The following DCHS2 variants were observed in gnomAD, a reference collection of about 807,000 sequenced individuals.
DCHS2 encodes dachsous cadherin-related 2.
DCHS2 carries 142 observed loss-of-function variants against 182.4 expected under a neutral mutation model. The ratio of observed to expected loss-of-function variants is 0.78; its 90% confidence interval spans 0.68 to 0.89. The LOEUF is 0.89. DCHS2 is among the 40% of genes least tolerant of loss of function. The probability of loss-of-function intolerance (pLI) is 0.00; values close to 1 mark genes in which losing one functional copy is unlikely to be tolerated. For synonymous variants in DCHS2, 1,740 were observed against 1,663.3 expected (o/e 1.05, Z -1.12); for missense variants, 4,319 against 4,198.6 (o/e 1.03, Z -0.79).
intron 16 of DCHS2, among the ~76,000 whole-genome samples, chr4:154,249,570 A>G (rs1489737033): frequency 2.0e-5 from 3 of 152,192 alleles, no homozygotes; most frequent in African/African-American, 7.2e-5. Flanking sequence ...ATTGCTGGGT[A>G]TATTCCCAAA....
At chr4:154,292,205 C>A (rs1306347556) in intron 13 of DCHS2, among the ~76,000 whole-genome samples, 4 of 152,098 alleles carry the variant, frequency 2.6e-5, no homozygotes, top group Non-Finnish European at 5.9e-5. Context: ...ATACCCAAAC[C>A]TGTTTCTGCT....
intron 1 of DCHS2, among the ~76,000 whole-genome samples, chr4:154,477,819 T>C (rs1735749161): frequency 6.6e-6 from 1 of 152,182 alleles, no homozygotes; most frequent in Non-Finnish European, 1.5e-5. Context: ...TCCTAGGTGG[T>C]TCTTATCATG....
At chr4:154,459,344 C>T (rs1465714490) in intron 1 of DCHS2, among the ~76,000 whole-genome samples, 1 of 151,726 alleles carries the variant, frequency 6.6e-6, no homozygotes, top group Non-Finnish European at 1.5e-5. Flanking sequence ...TCAAAGCTCT[C>T]ATTATAGAAT....
At chr4:154,336,173 C>T (rs1277112836) in intron 3 of DCHS2, among the ~76,000 whole-genome samples, 1 of 152,114 alleles carries the variant, frequency 6.6e-6, no homozygotes, top group African/African-American at 2.4e-5. Flanking sequence ...AATGTAAAGA[C>T]AATGGGGACA....
rs1731240022 is a variant in DCHS2 at position 154,232,483 on chromosome 4, A to T, written c.*2053T>A. ...CATCCATAATGAGTAAATAAATCACAGTAATAAATAACTAACTTAGGGAAT... is the reference window on the plus strand; with the variant it reads ...CATCCATAATGAGTAAATAAATCACTGTAATAAATAACTAACTTAGGGAAT... On this transcript the variant is annotated 3_prime_UTR_variant, in exon 20 of 20. Transcript: ENST00000357232. 6.6e-6 allele frequency: 1 copy of T among 152,202 alleles called. No homozygotes were observed. The highest frequency in any genetic ancestry group is 2.4e-5 in the African/African-American group (1 of 41,474). 9.4% of individuals were successfully genotyped at this position (152,202 alleles called of 1,614,324 possible).
At chr4:154,409,929 C>G (rs1359565531) in intron 1 of DCHS2, among the ~76,000 whole-genome samples, 1 of 152,210 alleles carries the variant, frequency 6.6e-6, no homozygotes, top group Non-Finnish European at 1.5e-5. Flanking sequence ...AGCTGAAGAA[C>G]CTGCACAGAT....
At chr4:154,354,055 T>C (rs1371726235) in intron 3 of DCHS2, among the ~76,000 whole-genome samples, 1 of 151,888 alleles carries the variant, frequency 6.6e-6, no homozygotes, top group Admixed American at 6.6e-5. Context: ...GCCTCCAGAG[T>C]AGCTGGTACT....
intron 4 of DCHS2, chr4:154,334,252 G>A (rs999525647): frequency 6.5e-6 from 1 of 153,170 alleles, no homozygotes; most frequent in African/African-American, 2.4e-5. Context: ...AGGGGACTAG[G>A]AGGAGGACAA....
At chr4:154,464,918 A>G (rs1044664821) in intron 1 of DCHS2, among the ~76,000 whole-genome samples, 1 of 152,162 alleles carries the variant, frequency 6.6e-6, no homozygotes, top group Non-Finnish European at 1.5e-5. Context: ...GCAATATTTG[A>G]GACTGGAAAA....
chr4:154,255,608 G>T lies in DCHS2; in HGVS notation c.6852C>A (p.Gly2284=). The T allele has an allele frequency of 6.2e-7, 1 of 1,613,952 alleles. No homozygotes were observed. ...CAATCTGGAATGCTTCTTCTTGGTT[G>T]CCAGACAGAATAGAATACTCAATCA... The part of the protein sequence containing the change: ...NGLIEYSILS[G]NQEEAFQIDA... Residue 2284 remains glycine (G), a synonymous_variant, in exon 16 of 20, where the codon GGC becomes GGA. Coordinates refer to ENST00000357232, the MANE Select transcript of DCHS2 (RefSeq NM_001358235.2).
chr4:154,470,319 A>G (rs921905022), intron 1 of DCHS2, among the ~76,000 whole-genome samples: 18 of 151,994 alleles, frequency 1.2e-4, no homozygotes, highest in African/African-American at 4.3e-4. Context: ...CCCCATCTGT[A>G]CAAAAATAAA....
intron 3 of DCHS2, among the ~76,000 whole-genome samples, chr4:154,352,852 G>T (rs772762544): frequency 6.6e-6 from 1 of 152,164 alleles, no homozygotes; most frequent in African/African-American, 2.4e-5. Flanking sequence ...ACCTTGTGGA[G>T]CTCATGGAGG....
At chr4:154,423,823 A>G (rs1204679157) in intron 1 of DCHS2, among the ~76,000 whole-genome samples, 1 of 152,170 alleles carries the variant, frequency 6.6e-6, no homozygotes, top group African/African-American at 2.4e-5. Flanking sequence ...CCACTTGGGG[A>G]TCTTGGTAAA....
At position 154,489,357 on chromosome 4, in the gene DCHS2, C is replaced by T; in HGVS notation, c.1999G>A (p.Val667Met). 6.5e-7 allele frequency: 1 copy of T among 1,548,660 alleles called. No individual in the cohort carries two copies. Among genetic ancestry groups the T allele is most frequent in the Non-Finnish European group, 8.7e-7 (1 of 1,144,842 alleles). ...NDNEPIFWRQ[V>M]YNATIAEHAP... ...TGCTCTGCAATGGTGGCATTGTACA[C>T]CTGCCTCCAGAAGATGGGCTCATTG... is the stretch of plus-strand genomic sequence containing the variant. The change falls in exon 1 of 20, where the codon GTG (valine) becomes ATG (methionine). Residue 667 changes from valine (V) to methionine (M), a missense_variant. Coordinates refer to ENST00000357232, the MANE Select transcript of DCHS2 (RefSeq NM_001358235.2).
At chr4:154,244,426 T>G (rs1731979879) in intron 16 of DCHS2, among the ~76,000 whole-genome samples, 1 of 152,230 alleles carries the variant, frequency 6.6e-6, no homozygotes, top group Non-Finnish European at 1.5e-5. Flanking sequence ...CTGAACACGA[T>G]GAAGGCTAGG....
At position 154,305,153 on chromosome 4, in the gene DCHS2, T is replaced by C. The variant is rs1735393292; in HGVS notation, c.5339A>G (p.Glu1780Gly). The change falls in exon 11 of 20, where the codon GAG becomes GGG. Residue 1780 changes from glutamate to glycine, a missense_variant. Coordinates refer to ENST00000357232, the MANE Select transcript of DCHS2 (RefSeq NM_001358235.2). ...ELFEINSDTG[E>G]VVTTTILDRE... The stretch of plus-strand genomic sequence containing the variant: ...GTCAAGTATGGTGGTTGTCACTACC[T>C]CTCCAGTGTCAGAATTTATCTCGAA... 6.2e-7 allele frequency: 1 copy of C among 1,612,782 alleles called. No homozygotes were observed. The highest frequency in any genetic ancestry group is 8.5e-7 in the Non-Finnish European group (1 of 1,179,482).
At chr4:154,364,597 G>A (rs774284720) in intron 3 of DCHS2, among the ~76,000 whole-genome samples, 5 of 152,202 alleles carry the variant, frequency 3.3e-5, no homozygotes, top group Non-Finnish European at 5.9e-5. Context: ...GCCTTACAAA[G>A]ACTGCCAGTA....
intron 1 of DCHS2, among the ~76,000 whole-genome samples, chr4:154,412,149 AAG>A (rs769289154): frequency 3.9e-5 from 6 of 152,162 alleles, no homozygotes; most frequent in Non-Finnish European, 8.8e-5. Flanking sequence ...ACAGTTCCCA[AAG>A]AGAGAGAGAA....
intron 1 of DCHS2, among the ~76,000 whole-genome samples, chr4:154,393,822 T>G (rs1731814440): frequency 6.6e-6 from 1 of 152,198 alleles, no homozygotes; most frequent in Admixed American, 6.5e-5. Context: ...TGATGGTGTC[T>G]GTCTCTACAA....
Sources: allele counts gnomAD v4.1 joint callset (sites outside exome capture counted in the v4.1 genomes callset), GRCh38; gene constraint gnomAD v4.1.1; transcripts MANE v1.5; gene names NCBI Gene and HGNC (gene_info 2026-07-23, HGNC 2026-07-21).